Variants in ZBTB34 observed in about 807,000 individuals in gnomAD.
The protein encoded by ZBTB34 is zinc finger and BTB domain containing 34.
In ZBTB34, 1 loss-of-function variant was observed where a neutral mutation model predicts 33.4. The observed-to-expected ratio is 0.03, with a 90% CI of 0.01 to 0.14. The LOEUF (loss-of-function observed/expected upper bound fraction) is 0.14, where lower values mean the gene tolerates loss of function less well. ZBTB34 is among the 10% of genes least tolerant of loss of function. The pLI is 1.00. For synonymous variants in ZBTB34, 283 were observed against 253.5 expected (o/e 1.12, Z -1.11); for missense variants, 406 against 657.2 (o/e 0.62, Z 4.18).
exon 2 of ZBTB34, chr9:126,883,407 G>A (rs939004071): frequency 6.0e-6 from 1 of 167,096 alleles, no homozygotes; most frequent in Non-Finnish European, 1.5e-5. Flanking sequence ...CACTTCCAGC[G>A]TCCTGGCTCT....
chr9:126,863,879 A>T (rs1185088619), intron 1 of ZBTB34, among the ~76,000 whole-genome samples: 9 of 152,238 alleles, frequency 5.9e-5, no homozygotes, highest in Non-Finnish European at 1.3e-4. Context: ...AATCCTCTCA[A>T]TTAATGATTA....
chr9:126,883,335 C>T (rs576429455), exon 2 of ZBTB34: 4 of 167,126 alleles, frequency 2.4e-5, no homozygotes, highest in South Asian at 2.1e-4. Context: ...GGGCCTCCAG[C>T]GAGGTTTCCA....
chr9:126,882,081 CTA>C (rs2033450275), exon 2 of ZBTB34: 1 of 167,010 alleles, frequency 6.0e-6, no homozygotes, highest in Non-Finnish European at 1.5e-5. Context: ...AAGCTATACT[CTA>C]TGGGAATTGC....
chr9:126,876,332 A>C (rs1418559352), intron 1 of ZBTB34, among the ~76,000 whole-genome samples: 2 of 145,340 alleles, frequency 1.4e-5, no homozygotes, highest in Non-Finnish European at 3.0e-5. Context: ...TTGTATTAAG[A>C]AAGTATTGTT....
chr9:126,880,366 C>T lies in ZBTB34; in HGVS notation c.967C>T (p.Arg323Cys), dbSNP rs200977337. 3.3e-5 allele frequency: 53 copies of T among 1,613,704 alleles called. No homozygotes were observed. Among genetic ancestry groups the T allele is most frequent in the Non-Finnish European group, 2.9e-5 (34 of 1,179,878 alleles). Reference sequence around the variant, plus strand: ...CATGCTGAGCTGTTTCCGAGGAGGGCGTGCCCGCCAGAAGCGGGCTTTGTC... The same window carrying T: ...CATGCTGAGCTGTTTCCGAGGAGGGTGTGCCCGCCAGAAGCGGGCTTTGTC... The change falls in exon 2 of 2, where the codon CGT becomes TGT. Residue 323 changes from arginine to cysteine, a missense_variant. By Grantham distance (180) the Arg-to-Cys change is radical. Around this residue, in one of 6 missense-constraint regions of ZBTB34, gnomAD observed 123 missense variants for 140.4 expected, o/e 0.88. Transcript: ENST00000319119. The surrounding 1 kb of genome is among the most constrained non-coding windows in gnomAD (Gnocchi z 6.7).
intron 1 of ZBTB34, among the ~76,000 whole-genome samples, chr9:126,865,415 A>C (rs2033188217): frequency 1.3e-5 from 2 of 152,262 alleles, no homozygotes; most frequent in Non-Finnish European, 2.9e-5. Context: ...GGAGTCTCAC[A>C]GAATCAGCAC....
chr9:126,864,508 C>T (rs1163568574), intron 1 of ZBTB34, among the ~76,000 whole-genome samples: 4 of 152,234 alleles, frequency 2.6e-5, no homozygotes, highest in Middle Eastern at 3.4e-3. Flanking sequence ...AGAATGTTAA[C>T]GCCTTGGTAG....
chr9:126,869,539 G>T (rs567886978), intron 1 of ZBTB34, among the ~76,000 whole-genome samples: 1 of 152,278 alleles, frequency 6.6e-6, no homozygotes, highest in African/African-American at 2.4e-5. Flanking sequence ...GCTGAGGGGT[G>T]TGGCAGCAGG....
At chr9:126,882,099 A>G (rs1290392896) in exon 2 of ZBTB34, 1 of 167,078 alleles carries the variant, frequency 6.0e-6, no homozygotes, top group African/African-American at 2.4e-5. Context: ...ATTGCAAGCA[A>G]TATATCTATC....
intron 1 of ZBTB34, among the ~76,000 whole-genome samples, chr9:126,863,275 C>T (rs1407275821): frequency 6.6e-6 from 1 of 152,144 alleles, no homozygotes; most frequent in Non-Finnish European, 1.5e-5. Context: ...GAACTGTAAA[C>T]GAAAATGGAA....
At chr9:126,862,501 C>T (rs1434530665) in intron 1 of ZBTB34, among the ~76,000 whole-genome samples, 1 of 152,158 alleles carries the variant, frequency 6.6e-6, no homozygotes, top group African/African-American at 2.4e-5. Flanking sequence ...CCTACCTGAA[C>T]CTTATTCTCT....
intron 1 of ZBTB34, among the ~76,000 whole-genome samples, chr9:126,865,925 C>T (rs1338351426): frequency 6.6e-6 from 1 of 152,140 alleles, no homozygotes; most frequent in Admixed American, 6.5e-5. Context: ...GCGGAGGTTA[C>T]AGTGAGCCGA....
chr9:126,860,713 G>C (rs1273373290), exon 1 of ZBTB34: 1 of 146,354 alleles, frequency 6.8e-6, no homozygotes, highest in Non-Finnish European at 1.5e-5. Context: ...CCGCGGGCGG[G>C]CGATGTGAGC....
intron 1 of ZBTB34, among the ~76,000 whole-genome samples, chr9:126,872,494 C>G (rs1207420676): frequency 6.6e-6 from 1 of 152,182 alleles, no homozygotes; most frequent in East Asian, 1.9e-4. Context: ...TCAAGAGCTT[C>G]AAGAAACCAG....
chr9:126,861,330 G>A (rs2033141457), intron 1 of ZBTB34, among the ~76,000 whole-genome samples: 1 of 152,202 alleles, frequency 6.6e-6, no homozygotes, highest in South Asian at 2.1e-4. Context: ...GGGCTGGGCT[G>A]GGGCTGACCG....
intron 1 of ZBTB34, among the ~76,000 whole-genome samples, chr9:126,877,166 T>TTTG (rs201220574): frequency 3.2e-4 from 48 of 152,330 alleles, no homozygotes; most frequent in African/African-American, 4.6e-4. Context: ...GTTACAGCTT[T>TTTG]TTGTTGTTGT....
chr9:126,884,791 GTATTT>G (rs749090418), exon 2 of ZBTB34: 1 of 166,968 alleles, frequency 6.0e-6, no homozygotes, highest in Non-Finnish European at 1.5e-5. Context: ...AGAGATCAAT[GTATTT>G]TATTTTATCA....
At chr9:126,871,717 A>G (rs1350723010) in intron 1 of ZBTB34, among the ~76,000 whole-genome samples, 2 of 152,032 alleles carry the variant, frequency 1.3e-5, no homozygotes, top group Non-Finnish European at 2.9e-5. Flanking sequence ...CAAAACTCCT[A>G]CCAGTGATTA....
chr9:126,883,551 A>T (rs2033474922), exon 2 of ZBTB34: 6 of 167,096 alleles, frequency 3.6e-5, no homozygotes. Context: ...TTGATTGTAC[A>T]GTTCAGGTTC....
Sources: gnomAD v4.1 joint callset for allele counts (sites outside exome capture counted in the v4.1 genomes callset) on GRCh38, gnomAD v4.1.1 for gene constraint, gnomAD v4.1.1 regional missense constraint, Gnocchi (gnomAD v3.1) non-coding constraint, MANE v1.5 for transcripts, NCBI Gene and HGNC (gene_info 2026-07-23, HGNC 2026-07-21) for gene names.